The following ACYP2 variants were observed in gnomAD, a reference collection of about 807,000 sequenced individuals.
The protein encoded by ACYP2 is acylphosphatase 2.
ACYP2 carries 12 observed loss-of-function variants against 11.2 expected under a neutral mutation model. That is an observed-to-expected ratio of 1.08 (90% CI 0.69 to 1.74). ACYP2 has a LOEUF of 1.74. Among genes scored for constraint, ACYP2 ranks in the 40% most tolerant of loss-of-function variants. The probability of loss-of-function intolerance (pLI) is 0.00; values close to 1 mark genes in which losing one functional copy is unlikely to be tolerated. For missense variants in ACYP2, 134 were observed against 101.9 expected (o/e 1.31, Z -1.35); for synonymous variants, 43 against 32.2 (o/e 1.33, Z -1.13).
At chr2:54,157,294 C>T (rs1356467182) in intron 6 of ACYP2, among the ~76,000 whole-genome samples, 1 of 152,098 alleles carries the variant, frequency 6.6e-6, no homozygotes, top group Admixed American at 6.5e-5. Flanking sequence ...TTATCTCTGT[C>T]ATTTGTGAAG....
Position 54,022,487 on chromosome 2 carries a change from T to C in ACYP2, c.63-28471T>C, listed in dbSNP as rs114643987. Among the ~76,000 whole-genome samples, 932 of 152,198 alleles carry C rather than the reference T, an allele frequency of 6.1e-3. 17 individuals carry two copies. Among genetic ancestry groups the C allele is most frequent in the African/African-American group, 0.022 (905 of 41,536 alleles). ...GCCTTGAACTTCTGGGCTCAAGTGG[T>C]CCTCCTCCCTCAGCCTTCTGAGTAG... On this transcript the variant is annotated intron_variant, in intron 2 of 6. Transcript: ENST00000607452.
At chr2:54,133,654 T>G (rs531008958) in intron 4 of ACYP2, among the ~76,000 whole-genome samples, 15 of 152,340 alleles carry the variant, frequency 9.8e-5, no homozygotes, top group Non-Finnish European at 1.8e-4. Flanking sequence ...TTCATCCTTT[T>G]GGATCAAGAG....
intron 2 of ACYP2, among the ~76,000 whole-genome samples, chr2:54,000,213 C>T (rs72904915): frequency 0.097 from 14,750 of 152,022 alleles, 994 homozygotes; most frequent in African/African-American, 0.19. Context: ...TTTGTCCCCA[C>T]ACCCATCAAA....
intron 2 of ACYP2, among the ~76,000 whole-genome samples, chr2:54,004,460 G>C (rs1419259545): frequency 6.9e-6 from 1 of 145,758 alleles, no homozygotes; most frequent in East Asian, 2.0e-4. Flanking sequence ...GCCCAGGCTG[G>C]AGTGCAGTGG....
chr2:54,102,118 T>A (rs1283663995), intron 4 of ACYP2, among the ~76,000 whole-genome samples: 1 of 152,200 alleles, frequency 6.6e-6, no homozygotes, highest in Admixed American at 6.5e-5. Context: ...TTAAGGCTTT[T>A]GAGGACTATA....
chr2:53,986,488 C>T (rs543099962), intron 2 of ACYP2, among the ~76,000 whole-genome samples: 2 of 151,890 alleles, frequency 1.3e-5, no homozygotes, highest in East Asian at 3.9e-4. Context: ...AGACACACAG[C>T]ACCACACTCA....
chr2:54,208,445 AG>A (rs2103925120), intron 6 of ACYP2, among the ~76,000 whole-genome samples: 1 of 152,062 alleles, frequency 6.6e-6, no homozygotes, highest in Non-Finnish European at 1.5e-5. Context: ...CCGGGGGTGC[AG>A]GGGGTGGGAT....
intron 4 of ACYP2, among the ~76,000 whole-genome samples, chr2:54,082,396 C>G (rs1677711790): frequency 6.6e-6 from 1 of 152,066 alleles, no homozygotes; most frequent in Non-Finnish European, 1.5e-5. Context: ...CAGGCGCATA[C>G]TCCCATGCCC....
At chr2:54,171,784 G>T (rs560413298) in intron 6 of ACYP2, among the ~76,000 whole-genome samples, 2 of 152,178 alleles carry the variant, frequency 1.3e-5, no homozygotes, top group East Asian at 3.9e-4. Context: ...GGTGTCTTAG[G>T]AAACAAGTTA....
At chr2:54,256,200 G>A in intron 6 of ACYP2, 4 of 1,548,720 alleles carry the variant, frequency 2.6e-6, no homozygotes, top group Non-Finnish European at 3.5e-6. Flanking sequence ...CCAGAGGTAG[G>A]TAGCGTCAAC....
In ACYP2 at chr2:54,052,083, G is replaced by A. The variant is rs562027364; in HGVS notation, c.155+1033G>A. ...AAATAAATAAATAAATAAATAAATA[G>A]AGGGAAGAGGAGGAAGATGAAGAGG... is the stretch of plus-strand genomic sequence containing the variant. On this transcript the variant is annotated intron_variant, in intron 3 of 6. Coordinates refer to ENST00000607452, the MANE Select transcript of ACYP2 (RefSeq NM_001320586.2). Among the ~76,000 whole-genome samples the A allele has an allele frequency of 6.2e-4, 68 of 110,124 alleles. No individual in the cohort carries two copies. In the South Asian group the frequency reaches 6.3e-3, roughly 10 times the overall value. 72.2% of individuals were successfully genotyped at this position (110,124 alleles called of 152,430 possible).
chr2:54,029,893 G>C (rs1558481708), intron 2 of ACYP2: 1 of 256,228 alleles, frequency 3.9e-6, no homozygotes. Flanking sequence ...GCCGGGTCCG[G>C]CTGTGTTTTC....
chr2:54,213,524 C>T (rs1685420400), intron 6 of ACYP2, among the ~76,000 whole-genome samples: 1 of 152,130 alleles, frequency 6.6e-6, no homozygotes, highest in Non-Finnish European at 1.5e-5. Flanking sequence ...AAACTGCTTT[C>T]TAATTTATTC....
At chr2:54,239,945 C>T (rs1686660905) in intron 6 of ACYP2, among the ~76,000 whole-genome samples, 1 of 138,312 alleles carries the variant, frequency 7.2e-6, no homozygotes, top group Admixed American at 7.1e-5. Flanking sequence ...AGAAGTAATC[C>T]CTAAATTTAA....
At chr2:54,084,290 TTTTC>T (rs1213741525) in intron 4 of ACYP2, among the ~76,000 whole-genome samples, 3 of 152,228 alleles carry the variant, frequency 2.0e-5, no homozygotes, top group East Asian at 1.9e-4. Context: ...TTATTTCTTT[TTTTC>T]TTTCTTTCTT....
intron 6 of ACYP2, among the ~76,000 whole-genome samples, chr2:54,232,563 C>G (rs543220304): frequency 1.3e-5 from 2 of 152,112 alleles, no homozygotes; most frequent in African/African-American, 2.4e-5. Flanking sequence ...CGTCTTGCCC[C>G]CAGTGTCAAA....
At chr2:54,251,503 C>T (rs1440976741) in intron 6 of ACYP2, among the ~76,000 whole-genome samples, 2 of 152,132 alleles carry the variant, frequency 1.3e-5, no homozygotes, top group Non-Finnish European at 2.9e-5. Context: ...ACTTATCCAG[C>T]ACCCAGATCA....
intron 4 of ACYP2, among the ~76,000 whole-genome samples, chr2:54,069,846 T>A (rs1209429621): frequency 6.6e-6 from 1 of 152,228 alleles, no homozygotes; most frequent in Non-Finnish European, 1.5e-5. Flanking sequence ...GCAAGTTATA[T>A]GTGTTTAAAA....
intron 6 of ACYP2, among the ~76,000 whole-genome samples, chr2:54,191,664 C>A (rs1394124375): frequency 1.3e-5 from 2 of 152,176 alleles, no homozygotes; most frequent in Non-Finnish European, 2.9e-5. Context: ...GGAGTAAATG[C>A]TGTGTAACTA....
Sources: gnomAD v4.1 joint callset for allele counts (sites outside exome capture counted in the v4.1 genomes callset) on GRCh38, gnomAD v4.1.1 for gene constraint, MANE v1.5 for transcripts, NCBI Gene and HGNC (gene_info 2026-07-23, HGNC 2026-07-21) for gene names.